The following SLC30A4 variants were observed in gnomAD, a reference collection of about 807,000 sequenced individuals.
SLC30A4 encodes solute carrier family 30 member 4.
Under a neutral mutation model 41.7 loss-of-function variants are expected in SLC30A4, and 20 were observed. The ratio of observed to expected loss-of-function variants is 0.48; its 90% CI spans 0.34 to 0.70. SLC30A4 has a LOEUF of 0.70. Ranked by LOEUF, SLC30A4 falls within the 30% of genes least tolerant of loss-of-function variation. SLC30A4 has a pLI of 0.01. For missense variants in SLC30A4, 441 were observed against 529.3 expected (o/e 0.83, Z 1.64); for synonymous variants, 181 against 195.9 (o/e 0.92, Z 0.64).
Position 45,490,783 on chromosome 15 carries a change from T to G in SLC30A4, c.637A>C (p.Ile213Leu). The change falls in exon 4 of 8, where the codon ATA becomes CTA. Residue 213 changes from isoleucine (I) to leucine (L), a missense_variant. Ile to Leu is a conservative substitution (Grantham distance 5). Around this residue, in one of 3 missense-constraint regions of SLC30A4, gnomAD observed 312 missense variants for 341.9 expected, o/e 0.91. Transcript: ENST00000261867. ...GTGATGAGCATTATATCTCCATTTA[T>G]TTCATAGTTCATATGGATAGTTCTT... is the stretch of plus-strand genomic sequence containing the variant. The part of the protein sequence containing the change: ...VQRTIHMNYE[I>L]NGDIMLITAA... The G allele has an allele frequency of 1.2e-6, 2 of 1,611,860 alleles. No individual in the cohort carries two copies. Among genetic ancestry groups the G allele is most frequent in the East Asian group, 2.2e-5 (1 of 44,828 alleles).
At chr15:45,511,081 G>A in intron 3 of SLC30A4, 57 bp downstream of exon 3, 1 of 1,390,296 alleles carries the variant, frequency 7.2e-7, no homozygotes, top group Non-Finnish European at 1.0e-6. Flanking sequence ...CAGGGTTATA[G>A]TTCATTGTGG....
At chr15:45,501,692 T>C (rs887384197) in intron 3 of SLC30A4, among the ~76,000 whole-genome samples, 6 of 152,050 alleles carry the variant, frequency 3.9e-5, no homozygotes, top group East Asian at 1.9e-4. Flanking sequence ...TTTGTAAAGA[T>C]AGGGGTCTCG....
intron 4 of SLC30A4, among the ~76,000 whole-genome samples, chr15:45,490,090 T>C (rs1283485061): frequency 2.0e-5 from 3 of 152,160 alleles, no homozygotes; most frequent in South Asian, 2.1e-4. Flanking sequence ...AACTTTATTA[T>C]TTTTTGTTTG....
At chr15:45,495,254 A>G (rs1430522046) in intron 3 of SLC30A4, among the ~76,000 whole-genome samples, 1 of 152,234 alleles carries the variant, frequency 6.6e-6, no homozygotes, top group Non-Finnish European at 1.5e-5. Context: ...TAAAATTCAT[A>G]ATTAAAAATT....
chr15:45,485,462 T>G, intron 7 of SLC30A4, 145 bp from the exon 8 acceptor site: 1 of 581,158 alleles, frequency 1.7e-6, no homozygotes, highest in Non-Finnish European at 2.9e-6. Flanking sequence ...GTTAGATAAG[T>G]AGGTCAATTT....
intron 3 of SLC30A4, among the ~76,000 whole-genome samples, chr15:45,496,409 C>G (rs866263450): frequency 2.0e-5 from 3 of 152,062 alleles, no homozygotes; most frequent in Admixed American, 2.0e-4. Context: ...GGTTGGTCTT[C>G]GGTCACATAA....
At position 45,522,182 on chromosome 15, in the gene SLC30A4, G is replaced by A. The variant is rs1297194112; in HGVS notation, c.173C>T (p.Pro58Leu). The A allele has an allele frequency of 5.6e-6, 9 of 1,614,208 alleles. No homozygotes were observed. Among genetic ancestry groups the A allele is most frequent in the Middle Eastern group, 1.6e-4 (1 of 6,062 alleles). Residue 58 changes from proline (P) to leucine (L), a missense_variant, in exon 2 of 8, where the codon CCG becomes CTG. Pro to Leu is a moderately conservative substitution (Grantham distance 98). Transcript: ENST00000261867. ...VVVADDGSEA[P>L]ERPVNGAHPT... ...GTGCGCCCCGTTAACAGGCCTTTCCGGGGCTTCGGAACCGTCATCGGCCAC... is the reference window on the plus strand; with the variant it reads ...GTGCGCCCCGTTAACAGGCCTTTCCAGGGCTTCGGAACCGTCATCGGCCAC...
rs1891654257 is a variant in SLC30A4, at chr15:45,484,096, A to C, written c.*1067T>G. ...AACATAACCCATATCATAAAACATA[A>C]AATTCTCTCTGGATTAATGTTGTTG... On this transcript the variant is annotated 3_prime_UTR_variant, in exon 8 of 8. Coordinates refer to ENST00000261867, the MANE Select transcript of SLC30A4 (RefSeq NM_013309.6). 6.6e-6 allele frequency: 1 copy of C among 152,614 alleles called. No homozygotes were observed. The highest frequency in any genetic ancestry group is 2.1e-4 in the South Asian group (1 of 4,828). The allele number at this position is 152,614 out of a possible 1,614,324, so 9.5% of individuals were successfully genotyped here. A position where few individuals can be genotyped will look rare whatever the true frequency, so the allele number is the denominator to read the frequency against.
rs1389644969 is a variant in SLC30A4 at position 45,483,747 on chromosome 15, T to A, written c.*1416A>T. The A allele has an allele frequency of 6.6e-6, 1 of 152,346 alleles. No individual in the cohort carries two copies. Among genetic ancestry groups the A allele is most frequent in the Non-Finnish European group, 1.5e-5 (1 of 68,188 alleles). The allele number at this position is 152,346 out of a possible 1,614,324, so 9.4% of individuals were successfully genotyped here. A position where few individuals can be genotyped will look rare whatever the true frequency, so the allele number is the denominator to read the frequency against. On this transcript the variant is annotated 3_prime_UTR_variant, in exon 8 of 8. Transcript: ENST00000261867. ...AAATGAGCTGGGTGTGGTGTACCTGTAGTCCCAGCTAGTTGGGAGGCTGAG... is the reference window on the plus strand; with the variant it reads ...AAATGAGCTGGGTGTGGTGTACCTGAAGTCCCAGCTAGTTGGGAGGCTGAG...
intron 3 of SLC30A4, among the ~76,000 whole-genome samples, chr15:45,494,116 G>A (rs1447565162): frequency 6.6e-6 from 1 of 152,124 alleles, no homozygotes; most frequent in East Asian, 1.9e-4. Flanking sequence ...CATATTTACT[G>A]TAGTACTTAG....
At chr15:45,514,285 G>A (rs1223658452) in intron 2 of SLC30A4, among the ~76,000 whole-genome samples, 1 of 151,296 alleles carries the variant, frequency 6.6e-6, no homozygotes, top group East Asian at 2.0e-4. Flanking sequence ...CGGAGGTTAC[G>A]GGGAGGTGGA....
chr15:45,498,034 T>C (rs1299753289), intron 3 of SLC30A4, among the ~76,000 whole-genome samples: 1 of 152,254 alleles, frequency 6.6e-6, no homozygotes, highest in Admixed American at 6.5e-5. Flanking sequence ...ACTTTGCTAA[T>C]GCTATGATGC....
At chr15:45,489,586 C>T (rs1013729093) in intron 4 of SLC30A4, among the ~76,000 whole-genome samples, 1 of 124,002 alleles carries the variant, frequency 8.1e-6, no homozygotes, top group Non-Finnish European at 1.6e-5. Flanking sequence ...AACAAGGCTG[C>T]AGTAAAAATT....
rs144484832 is a variant in SLC30A4, at chr15:45,513,037, C to T, written c.392-1753G>A. 2.2e-3 allele frequency among the ~76,000 whole-genome samples: 334 copies of T among 151,736 alleles called. 2 individuals carry two copies. The highest frequency in any genetic ancestry group is 7.4e-3 in the African/African-American group (305 of 41,360). ...AAATGGGGCCAGGTGCAGTGGCTCA[C>T]GCCTGTAATCCCAACACTTTGGGAG... is the stretch of plus-strand genomic sequence containing the variant. On this transcript the variant is annotated intron_variant, in intron 2 of 7. Coordinates refer to ENST00000261867, the MANE Select transcript of SLC30A4 (RefSeq NM_013309.6).
At chr15:45,499,299 C>T (rs945298240) in intron 3 of SLC30A4, among the ~76,000 whole-genome samples, 1 of 152,184 alleles carries the variant, frequency 6.6e-6, no homozygotes, top group East Asian at 1.9e-4. Context: ...GTCTCAATCT[C>T]CTGACCTCGT....
intron 3 of SLC30A4, among the ~76,000 whole-genome samples, chr15:45,504,086 C>T (rs1408667953): frequency 6.6e-6 from 1 of 152,146 alleles, no homozygotes; most frequent in Non-Finnish European, 1.5e-5. Flanking sequence ...TAATAGCCTC[C>T]AGAGTAACTA....
At position 45,484,967 on chromosome 15, in the gene SLC30A4, T is replaced by C; in HGVS notation, c.*196A>G. 1 of 544,898 alleles carries C rather than the reference T, an allele frequency of 1.8e-6. No homozygotes were observed. Among genetic ancestry groups the C allele is most frequent in the Non-Finnish European group, 3.2e-6 (1 of 310,938 alleles). The allele number at this position is 544,898 out of a possible 1,614,324, so 33.8% of individuals were successfully genotyped here. A position where few individuals can be genotyped will look rare whatever the true frequency, so the allele number is the denominator to read the frequency against. ...ACAGTGTTTGGGAAACATCTTCATC[T>C]GAAAATTATGGCAAAGTCTCCTTTT... On this transcript the variant is annotated 3_prime_UTR_variant, in exon 8 of 8. Coordinates refer to ENST00000261867, the MANE Select transcript of SLC30A4 (RefSeq NM_013309.6).
chr15:45,490,898 A>G lies in SLC30A4; in HGVS notation c.539-17T>C. The G allele has an allele frequency of 6.6e-7, 1 of 1,517,518 alleles. No individual in the cohort carries two copies. The highest frequency in any genetic ancestry group is 2.3e-5 in the East Asian group (1 of 43,758). The allele number at this position is 1,517,518 out of a possible 1,614,324, so 94.0% of individuals were successfully genotyped here. A position where few individuals can be genotyped will look rare whatever the true frequency, so the allele number is the denominator to read the frequency against. On this transcript the variant is annotated splice_polypyrimidine_tract_variant and intron_variant, in intron 3 of 7. Transcript: ENST00000261867. ...ACAAAACCTCTAGAGGGAAAAACAC[A>G]TATAACAAATACATTTTCAGCATGG...
rs944956857 is a variant in SLC30A4 at position 45,481,174 on chromosome 15, C to A, written c.*3989G>T. The A allele has an allele frequency of 2.0e-5, 3 of 152,084 alleles. No individual in the cohort carries two copies. Among genetic ancestry groups the A allele is most frequent in the Non-Finnish European group, 1.5e-5 (1 of 68,030 alleles). The allele number at this position is 152,084 out of a possible 1,614,324, so 9.4% of individuals were successfully genotyped here. Reference sequence around the variant, plus strand: ...AGTTTTAGAGAATGGAAATAAAGCACCCAAAGTTGAAAAGAAAACAGTAAA... The same window carrying A: ...AGTTTTAGAGAATGGAAATAAAGCAACCAAAGTTGAAAAGAAAACAGTAAA... On this transcript the variant is annotated 3_prime_UTR_variant, in exon 8 of 8. Transcript: ENST00000261867.
Sources: allele counts gnomAD v4.1 joint callset (sites outside exome capture counted in the v4.1 genomes callset), GRCh38; gene constraint gnomAD v4.1.1; regional missense constraint gnomAD v4.1.1; transcripts MANE v1.5; gene names NCBI Gene and HGNC (gene_info 2026-07-23, HGNC 2026-07-21).